Variants in TAOK3 observed in about 807,000 individuals in gnomAD.
The protein encoded by TAOK3 is TAO kinase 3, also known as serine/threonine-protein kinase TAO3.
In TAOK3, 40 loss-of-function variants were observed where a neutral mutation model predicts 120.4. The ratio of observed to expected loss-of-function variants is 0.33; its 90% confidence interval spans 0.26 to 0.43. The LOEUF (loss-of-function observed/expected upper bound fraction) is 0.43. Among genes scored for constraint, TAOK3 ranks in the 20% least tolerant of loss-of-function variants. TAOK3 has a pLI of 1.00. For synonymous variants in TAOK3, 355 were observed against 387.5 expected (o/e 0.92, Z 0.99); for missense variants, 821 against 1,112.1 (o/e 0.74, Z 3.72).
chr12:118,313,131 A>G (rs1363567864), intron 1 of TAOK3, among the ~76,000 whole-genome samples: 1 of 152,190 alleles, frequency 6.6e-6, no homozygotes, highest in Non-Finnish European at 1.5e-5. Context: ...TCATATATAA[A>G]GAGACAGCTA....
chr12:118,338,659 C>A (rs938488211), intron 1 of TAOK3, among the ~76,000 whole-genome samples: 1 of 151,664 alleles, frequency 6.6e-6, no homozygotes, highest in African/African-American at 2.4e-5. Context: ...GGTGGCCACG[C>A]GCCTGTAGTC....
intron 11 of TAOK3, 129 bp from the exon 12 acceptor site, chr12:118,201,592 T>C (rs1347427242): frequency 6.4e-6 from 5 of 775,570 alleles, no homozygotes; most frequent in Admixed American, 3.6e-5. Flanking sequence ...CAAAATATGA[T>C]TTTCATGTCA....
chr12:118,360,956 A>G (rs2045579052), intron 1 of TAOK3, among the ~76,000 whole-genome samples: 1 of 152,188 alleles, frequency 6.6e-6, no homozygotes. Context: ...TCCAGCAGGG[A>G]AAAGGAAAAA....
At chr12:118,364,795 C>T (rs1362356354) in intron 1 of TAOK3, among the ~76,000 whole-genome samples, 4 of 152,294 alleles carry the variant, frequency 2.6e-5, no homozygotes, top group Middle Eastern at 3.4e-3. Flanking sequence ...ATCGCAGCTA[C>T]TCCAGAGGCT....
intron 1 of TAOK3, among the ~76,000 whole-genome samples, chr12:118,354,865 T>C (rs1393093375): frequency 6.6e-6 from 1 of 152,038 alleles, no homozygotes; most frequent in Admixed American, 6.6e-5. Flanking sequence ...CCTGTATAAA[T>C]TACCCAGCCT....
chr12:118,254,277 G>T (rs1195577551), intron 3 of TAOK3, among the ~76,000 whole-genome samples: 1 of 151,936 alleles, frequency 6.6e-6, no homozygotes, highest in Non-Finnish European at 1.5e-5. Context: ...CTGAATAGTT[G>T]TCTGTTCATC....
chr12:118,152,131 TTAATCTC>T (rs1420587400), intron 20 of TAOK3, 89 bp downstream of exon 20: 12 of 1,215,614 alleles, frequency 9.9e-6, no homozygotes, highest in Non-Finnish European at 1.4e-5. Context: ...AGTGCCCAGT[TTAATCTC>T]TAACTAAGGA....
chr12:118,199,475 G>A, intron 12 of TAOK3: 2 of 571,812 alleles, frequency 3.5e-6, no homozygotes, highest in Admixed American at 6.0e-5. Flanking sequence ...TTCTGGACGT[G>A]GGTCATAAGG....
intron 9 of TAOK3, among the ~76,000 whole-genome samples, chr12:118,214,776 G>C (rs564912773): frequency 7.1e-6 from 1 of 141,010 alleles, no homozygotes; most frequent in East Asian, 2.1e-4. Flanking sequence ...ATGGAGTTTC[G>C]CTCTTGTTGC....
intron 1 of TAOK3, among the ~76,000 whole-genome samples, chr12:118,303,095 C>T (rs77099263): frequency 0.014 from 2,099 of 152,292 alleles, 51 homozygotes; most frequent in African/African-American, 0.048. Context: ...TTCACTTATT[C>T]TGTCACTAGA....
intron 19 of TAOK3, among the ~76,000 whole-genome samples, chr12:118,155,615 T>A (rs1345635452): frequency 1.3e-5 from 2 of 152,198 alleles, no homozygotes; most frequent in Non-Finnish European, 2.9e-5. Flanking sequence ...TGGTAAGTAG[T>A]CAGTAAAGGA....
intron 3 of TAOK3, chr12:118,246,064 C>T: frequency 1.0e-6 from 1 of 956,220 alleles, no homozygotes; most frequent in Non-Finnish European, 1.5e-6. Flanking sequence ...AGAATTGCTT[C>T]TTTTCCGAGA....
intron 1 of TAOK3, among the ~76,000 whole-genome samples, chr12:118,276,115 G>A (rs1026492934): frequency 6.6e-6 from 1 of 152,188 alleles, no homozygotes; most frequent in Non-Finnish European, 1.5e-5. Context: ...CCACTTCTGT[G>A]TTTAAAAGGA....
rs1294248778 is a variant in TAOK3 at position 118,342,957 on chromosome 12, AAG to A, written c.-194+29689_-194+29690del. ...TGCTAAAAAAAAAAAAAAAAAAAAAAAGAGAGAGAGAGAGAGAGAGAAATGAA... is the reference window on the plus strand; with the variant it reads ...TGCTAAAAAAAAAAAAAAAAAAAAAAAGAGAGAGAGAGAGAGAGAAATGAA... On this transcript the variant is annotated intron_variant, in intron 1 of 20. Transcript: ENST00000392533. Among the ~76,000 whole-genome samples the A allele has an allele frequency of 2.3e-3, 275 of 120,376 alleles. 3 individuals carry two copies. Among genetic ancestry groups the A allele is most frequent in the Middle Eastern group, 4.4e-3 (1 of 226 alleles). The allele number at this position is 120,376 out of a possible 152,430, so 79.0% of individuals were successfully genotyped here. A position where few individuals can be genotyped will look rare whatever the true frequency, so the allele number is the denominator to read the frequency against.
chr12:118,274,165 G>A (rs1191333571), intron 1 of TAOK3, among the ~76,000 whole-genome samples: 1 of 151,974 alleles, frequency 6.6e-6, no homozygotes, highest in African/African-American at 2.4e-5. Flanking sequence ...AAATTTTGTT[G>A]TAATTGCTGT....
At chr12:118,303,901 G>A (rs982325398) in intron 1 of TAOK3, among the ~76,000 whole-genome samples, 1 of 152,218 alleles carries the variant, frequency 6.6e-6, no homozygotes, top group African/African-American at 2.4e-5. Context: ...ACCTGCCTTG[G>A]CCTCCCAAAG....
chr12:118,156,585 G>T (rs529489032), intron 19 of TAOK3, among the ~76,000 whole-genome samples: 2 of 152,106 alleles, frequency 1.3e-5, no homozygotes, highest in Non-Finnish European at 2.9e-5. Flanking sequence ...ACGAGCTCCT[G>T]TAGTCTACCA....
chr12:118,252,625 T>C (rs1441934717), intron 3 of TAOK3, among the ~76,000 whole-genome samples: 1 of 152,112 alleles, frequency 6.6e-6, no homozygotes, highest in African/African-American at 2.4e-5. Context: ...CAAGAGGACC[T>C]GAGACTAAAG....
At chr12:118,181,235 C>G (rs1328633402) in intron 15 of TAOK3, 136 bp downstream of exon 15, 2 of 704,888 alleles carry the variant, frequency 2.8e-6, no homozygotes, top group Non-Finnish European at 5.0e-6. Flanking sequence ...CCTATAAAAT[C>G]TAGAAACCCA....
Sources: gnomAD v4.1 joint callset for allele counts (sites outside exome capture counted in the v4.1 genomes callset) on GRCh38, gnomAD v4.1.1 for gene constraint, MANE v1.5 for transcripts, NCBI Gene and HGNC (gene_info 2026-07-23, HGNC 2026-07-21) for gene names.